Variants in SPATA12 observed in about 807,000 individuals in gnomAD.
SPATA12 encodes the protein spermatogenesis associated 12.
For missense variants in SPATA12, 219 were observed against 226.4 expected (o/e 0.97, Z 0.21); for synonymous variants, 85 against 89.2 (o/e 0.95, Z 0.26).
chr3:57,072,643 G>A (rs1705976668), intron 1 of SPATA12, among the ~76,000 whole-genome samples: 2 of 150,212 alleles, frequency 1.3e-5, no homozygotes. Context: ...TAGGGAGGCT[G>A]AGGCATGAGA....
intron 1 of SPATA12, among the ~76,000 whole-genome samples, chr3:57,069,376 A>AACACACACACACACACAC (rs147675971): frequency 7.7e-4 from 113 of 146,466 alleles, no homozygotes; most frequent in African/African-American, 2.7e-3. Flanking sequence ...CTGTCTCTCA[A>AACACACACACACACACAC]ACACACACAC....
chr3:57,066,963 T>C (rs2107374825), intron 1 of SPATA12, among the ~76,000 whole-genome samples: 1 of 152,250 alleles, frequency 6.6e-6, no homozygotes, highest in East Asian at 1.9e-4. Context: ...AACCTCTCAA[T>C]AGATAGATGA....
At chr3:57,061,562 T>C (rs527435829) in intron 1 of SPATA12, among the ~76,000 whole-genome samples, 31 of 152,268 alleles carry the variant, frequency 2.0e-4, no homozygotes, top group Non-Finnish European at 3.7e-4. Flanking sequence ...GTATTATTTT[T>C]ACCTTTTGGC....
intron 1 of SPATA12, among the ~76,000 whole-genome samples, chr3:57,061,707 T>A (rs7639626): frequency 0.85 from 130,073 of 152,196 alleles, 55,661 homozygotes; most frequent in East Asian, 0.96. Flanking sequence ...CCTGTTACAC[T>A]TTTAGGATTC....
chr3:57,061,389 C>T (rs1351506750), intron 1 of SPATA12, among the ~76,000 whole-genome samples: 1 of 152,158 alleles, frequency 6.6e-6, no homozygotes, highest in Non-Finnish European at 1.5e-5. Flanking sequence ...CCTCAAACTC[C>T]TGGGCTCAAG....
chr3:57,073,061 A>G (rs1267292698), intron 1 of SPATA12, among the ~76,000 whole-genome samples: 1 of 152,120 alleles, frequency 6.6e-6, no homozygotes, highest in Non-Finnish European at 1.5e-5. Context: ...AAATAAATAA[A>G]AGAAAAAACA....
chr3:57,062,230 C>T (rs1276489134), intron 1 of SPATA12, among the ~76,000 whole-genome samples: 2 of 152,252 alleles, frequency 1.3e-5, no homozygotes, highest in African/African-American at 4.8e-5. Flanking sequence ...GCTCCACACT[C>T]TGGGCCTGTC....
chr3:57,063,321 T>C (rs1705337497), intron 1 of SPATA12, among the ~76,000 whole-genome samples: 1 of 152,092 alleles, frequency 6.6e-6, no homozygotes. Context: ...TTTGTTGCAG[T>C]GAAATGAGAG....
intron 1 of SPATA12, among the ~76,000 whole-genome samples, chr3:57,064,136 G>A (rs572168002): frequency 3.3e-5 from 5 of 152,122 alleles, no homozygotes; most frequent in African/African-American, 1.2e-4. Context: ...GGGCATAGTG[G>A]TGCATGCCTG....
chr3:57,071,470 G>A (rs1705898687), intron 1 of SPATA12, among the ~76,000 whole-genome samples: 1 of 152,072 alleles, frequency 6.6e-6, no homozygotes, highest in African/African-American at 2.4e-5. Flanking sequence ...GACCAGCCTG[G>A]CCAACATGGT....
At chr3:57,064,323 C>CTT (rs148897316) in intron 1 of SPATA12, among the ~76,000 whole-genome samples, 3 of 149,850 alleles carry the variant, frequency 2.0e-5, no homozygotes, top group African/African-American at 7.4e-5. Flanking sequence ...TTTTTTCTTT[C>CTT]TTTTTTTTTC....
In SPATA12 at chr3:57,075,398, C is replaced by A. The variant is rs78263747; in HGVS notation, c.*1131C>A. 3.5e-4 allele frequency: 58 copies of A among 167,170 alleles called. No individual in the cohort carries two copies. In the East Asian group the frequency reaches 0.011, roughly 32 times the overall value. The allele number at this position is 167,170 out of a possible 1,614,324, so 10.4% of individuals were successfully genotyped here. Reference sequence around the variant, plus strand: ...TGCCTCGCACAGAGTAGCCCTCTCTCCCTAAATGTTTTTGAATAAATGAAA... The same window carrying A: ...TGCCTCGCACAGAGTAGCCCTCTCTACCTAAATGTTTTTGAATAAATGAAA... On this transcript the variant is annotated 3_prime_UTR_variant, in exon 2 of 2. Coordinates refer to ENST00000334325, the MANE Select transcript of SPATA12 (RefSeq NM_181727.2).
Position 57,074,626 on chromosome 3 carries a change from A to G in SPATA12, c.*359A>G. 1 of 226,524 alleles carries G rather than the reference A, an allele frequency of 4.4e-6. No individual in the cohort carries two copies. Among genetic ancestry groups the G allele is most frequent in the Non-Finnish European group, 9.5e-6 (1 of 105,320 alleles). The allele number at this position is 226,524 out of a possible 1,614,324, so 14.0% of individuals were successfully genotyped here. On this transcript the variant is annotated 3_prime_UTR_variant, in exon 2 of 2. Transcript: ENST00000334325. ...CATCTCCTGATCCCCGATCCTATAC[A>G]TTTTCATCTCTTTATTGTTTCTATC...
chr3:57,073,890 G>A lies in SPATA12; in HGVS notation c.196G>A (p.Ala66Thr). The change falls in exon 2 of 2, where the codon GCC becomes ACC. Residue 66 changes from alanine to threonine, a missense_variant. Transcript: ENST00000334325. ...GPGVLPGAAS[A>T]LPELTFQGDV... ...AGGTGTCCTGCCAGGAGCAGCCTCT[G>A]CCCTCCCAGAGCTGACATTTCAGGG... is the stretch of plus-strand genomic sequence containing the variant. 1.9e-6 allele frequency: 3 copies of A among 1,614,178 alleles called. No individual in the cohort carries two copies. Among genetic ancestry groups the A allele is most frequent in the Non-Finnish European group, 2.5e-6 (3 of 1,180,020 alleles).
Position 57,074,049 on chromosome 3 carries a change from G to A in SPATA12, c.355G>A (p.Glu119Lys), listed in dbSNP as rs1213763583. The A allele has an allele frequency of 4.3e-6, 7 of 1,614,198 alleles. No homozygotes were observed. The highest frequency in any genetic ancestry group is 5.9e-6 in the Non-Finnish European group (7 of 1,180,030). The change falls in exon 2 of 2, where the codon GAG becomes AAG. Residue 119 changes from glutamate to lysine, a missense_variant. By Grantham distance (56) the Glu-to-Lys change is moderately conservative. Coordinates refer to ENST00000334325, the MANE Select transcript of SPATA12 (RefSeq NM_181727.2). ...PALLIQQGSC[E>K]QVIHNSTPQF... ...TCTCCTGATACAGCAAGGCAGTTGT[G>A]AGCAAGTTATTCATAACTCTACACC... is the stretch of plus-strand genomic sequence containing the variant.
rs777013411 is a variant in SPATA12, at chr3:57,073,685, C to A, written c.-10C>A. ...CTTTTCTGGAGAATTCTGTTTTTGA[C>A]TTGGGCCCCATGTCCAGTTCTGCTC... On this transcript the variant is annotated 5_prime_UTR_variant, in exon 2 of 2. Coordinates refer to ENST00000334325, the MANE Select transcript of SPATA12 (RefSeq NM_181727.2). 6.2e-7 allele frequency: 1 copy of A among 1,602,156 alleles called. No individual in the cohort carries two copies. The highest frequency in any genetic ancestry group is 8.5e-7 in the Non-Finnish European group (1 of 1,174,354).
At chr3:57,069,376 AACACACACACACACACACAC>A (rs147675971) in intron 1 of SPATA12, among the ~76,000 whole-genome samples, 1 of 146,362 alleles carries the variant, frequency 6.8e-6, no homozygotes, top group Non-Finnish European at 1.5e-5. Flanking sequence ...CTGTCTCTCA[AACACACACACACACACACAC>A]ACACACACAC....
rs555281279 is a variant in SPATA12 at position 57,067,377 on chromosome 3, C to G, written c.-329-5989C>G. On this transcript the variant is annotated intron_variant, in intron 1 of 1. Transcript: ENST00000334325. ...GGCTGAGGCGGGAGAATGGCGTGAA[C>G]CCAGGAGGCAGAGCTTATAGTGAGC... is the stretch of plus-strand genomic sequence containing the variant. 5.7e-4 allele frequency among the ~76,000 whole-genome samples: 86 copies of G among 151,404 alleles called. 1 individual carries two copies. The highest frequency in any genetic ancestry group is 2.0e-3 in the African/African-American group (84 of 41,286).
intron 1 of SPATA12, among the ~76,000 whole-genome samples, chr3:57,070,359 T>C (rs1026706420): frequency 6.6e-6 from 1 of 150,384 alleles, no homozygotes; most frequent in Non-Finnish European, 1.5e-5. Flanking sequence ...CACTACAGTA[T>C]ACTGTGTTAC....
Sources: gnomAD v4.1 joint callset for allele counts (sites outside exome capture counted in the v4.1 genomes callset) on GRCh38, gnomAD v4.1.1 for gene constraint, MANE v1.5 for transcripts, NCBI Gene and HGNC (gene_info 2026-07-23, HGNC 2026-07-21) for gene names.